CCDC85A: variants seen among roughly 807,000 people sequenced by gnomAD.
CCDC85A encodes the protein coiled-coil domain-containing protein 85A.
In CCDC85A, 38 loss-of-function variants were observed where a neutral mutation model predicts 50.2. That is an observed-to-expected ratio of 0.76 (90% CI 0.58 to 0.99). CCDC85A has a LOEUF of 0.99. Ranked by LOEUF, CCDC85A falls within the 50% of genes least tolerant of loss-of-function variation. The pLI, the probability that CCDC85A is intolerant of heterozygous loss-of-function variation, is 0.00. For missense variants in CCDC85A, 820 were observed against 742.0 expected (o/e 1.11, Z -1.22); for synonymous variants, 366 against 301.4 (o/e 1.21, Z -2.22).
intron 2 of CCDC85A, among the ~76,000 whole-genome samples, chr2:56,215,936 T>G (rs1307385543): frequency 6.6e-6 from 1 of 151,912 alleles, no homozygotes; most frequent in Non-Finnish European, 1.5e-5. Flanking sequence ...CATTTAAACT[T>G]CATTGTCCAT....
At chr2:56,206,631 C>A (rs1676971852) in intron 2 of CCDC85A, among the ~76,000 whole-genome samples, 2 of 152,144 alleles carry the variant, frequency 1.3e-5, no homozygotes, top group African/African-American at 4.8e-5. Flanking sequence ...TTAATCCATT[C>A]ATGAAGGCAG....
chr2:56,379,571 C>T (rs1676489147), intron 5 of CCDC85A, among the ~76,000 whole-genome samples: 1 of 152,090 alleles, frequency 6.6e-6, no homozygotes, highest in Non-Finnish European at 1.5e-5. Flanking sequence ...TAGAATCATT[C>T]CAAATAGATT....
At chr2:56,363,299 T>G (rs1232016602) in intron 3 of CCDC85A, among the ~76,000 whole-genome samples, 1 of 152,194 alleles carries the variant, frequency 6.6e-6, no homozygotes, top group African/African-American at 2.4e-5. Flanking sequence ...CTACCAATTA[T>G]GCAAAGGCTA....
intron 2 of CCDC85A, among the ~76,000 whole-genome samples, chr2:56,243,855 C>T (rs1405476776): frequency 6.6e-6 from 1 of 152,200 alleles, no homozygotes; most frequent in Non-Finnish European, 1.5e-5. Context: ...TTAGGGGACA[C>T]CCCAAGCCCA....
chr2:56,224,571 C>T (rs916714225), intron 2 of CCDC85A, among the ~76,000 whole-genome samples: 9 of 152,206 alleles, frequency 5.9e-5, no homozygotes, highest in Non-Finnish European at 1.2e-4. Flanking sequence ...ACATTCCCAT[C>T]AGCAGTGTAT....
intron 3 of CCDC85A, among the ~76,000 whole-genome samples, chr2:56,351,150 A>G (rs1674912159): frequency 2.0e-5 from 3 of 149,580 alleles, no homozygotes; most frequent in Non-Finnish European, 3.0e-5. Flanking sequence ...ATGATTTCCA[A>G]TTTCATCCAT....
At chr2:56,265,707 A>G (rs1392749350) in intron 2 of CCDC85A, among the ~76,000 whole-genome samples, 1 of 152,232 alleles carries the variant, frequency 6.6e-6, no homozygotes, top group Non-Finnish European at 1.5e-5. Flanking sequence ...ATTGTAAATT[A>G]GTACAGACAT....
intron 2 of CCDC85A, among the ~76,000 whole-genome samples, chr2:56,271,453 C>G (rs1670693303): frequency 6.6e-6 from 1 of 152,104 alleles, no homozygotes; most frequent in Admixed American, 6.5e-5. Context: ...TGAGCCAGAG[C>G]TGCTCCCTGT....
At chr2:56,365,782 A>G (rs924905289) in intron 3 of CCDC85A, among the ~76,000 whole-genome samples, 1 of 152,168 alleles carries the variant, frequency 6.6e-6, no homozygotes, top group Non-Finnish European at 1.5e-5. Context: ...CTTTACATCC[A>G]CTTTCTTAGT....
At position 56,192,781 on chromosome 2, in the gene CCDC85A, G is replaced by A. The variant is rs747966842; in HGVS notation, c.581G>A (p.Cys194Tyr). 1 of 1,613,194 alleles carries A rather than the reference G, an allele frequency of 6.2e-7. No homozygotes were observed. Among genetic ancestry groups the A allele is most frequent in the East Asian group, 2.2e-5 (1 of 44,856 alleles). ...RCSIDSQASL[C>Y]QLTASTAPYV... Reference sequence around the variant, plus strand: ...TCCATCGACAGCCAGGCCAGCCTGTGCCAACTCACAGCCTCCACCGCACCC... The same window carrying A: ...TCCATCGACAGCCAGGCCAGCCTGTACCAACTCACAGCCTCCACCGCACCC... Residue 194 changes from cysteine (C) to tyrosine (Y), a missense_variant, in exon 2 of 6, where the codon TGC becomes TAC. Cys to Tyr is a radical substitution (Grantham distance 194, BLOSUM62 -2). Coordinates refer to ENST00000407595, the MANE Select transcript of CCDC85A (RefSeq NM_001080433.2). The surrounding 1 kb of genome is among the most constrained non-coding windows in gnomAD (Gnocchi z 4.7).
At chr2:56,380,116 C>G (rs1226223904) in intron 5 of CCDC85A, among the ~76,000 whole-genome samples, 2 of 152,072 alleles carry the variant, frequency 1.3e-5, no homozygotes, top group Non-Finnish European at 2.9e-5. Context: ...AATTTACTGT[C>G]TAAAATATGT....
chr2:56,377,436 C>G (rs749984677), intron 5 of CCDC85A, among the ~76,000 whole-genome samples: 6 of 152,166 alleles, frequency 3.9e-5, no homozygotes, highest in African/African-American at 7.2e-5. Context: ...ACTTGTCCTC[C>G]TATTCAAACT....
Position 56,192,727 on chromosome 2 carries a change from A to G in CCDC85A, c.527A>G (p.Lys176Arg), listed in dbSNP as rs1311422263. Reference protein sequence around the residue: ...KELCVLLDEEKGAGCAGSRCS... With the variant: ...KELCVLLDEERGAGCAGSRCS... ...CTCTGTGTGCTACTAGATGAGGAGA[A>G]GGGTGCAGGCTGCGCAGGCAGCCGC... The change falls in exon 2 of 6, where the codon AAG (lysine) becomes AGG (arginine). Residue 176 changes from lysine (K) to arginine (R), a missense_variant. Transcript: ENST00000407595. This position sits in a 1 kb window ranked among gnomAD's most constrained non-coding sequence, Gnocchi z 4.7. The G allele has an allele frequency of 6.2e-7, 1 of 1,613,636 alleles. No homozygotes were observed. Among genetic ancestry groups the G allele is most frequent in the South Asian group, 1.1e-5 (1 of 91,052 alleles).
intron 2 of CCDC85A, among the ~76,000 whole-genome samples, chr2:56,250,265 C>T (rs1396085079): frequency 2.0e-5 from 3 of 152,182 alleles, no homozygotes; most frequent in Non-Finnish European, 4.4e-5. Flanking sequence ...CTTTTCCAAG[C>T]ATGAGCAATA....
In CCDC85A at chr2:56,385,836, A is replaced by G. The variant is rs1169697153; in HGVS notation, c.*1481A>G. On this transcript the variant is annotated 3_prime_UTR_variant, in exon 6 of 6. Coordinates refer to ENST00000407595, the MANE Select transcript of CCDC85A (RefSeq NM_001080433.2). ...CTATAGAATTATCTCTCTAATTATC[A>G]TAATTGGGTTACAATTTAAGCTCCC... 6.6e-6 allele frequency: 1 copy of G among 151,740 alleles called. No individual in the cohort carries two copies. The highest frequency in any genetic ancestry group is 1.5e-5 in the Non-Finnish European group (1 of 67,756). 9.4% of individuals were successfully genotyped at this position (151,740 alleles called of 1,614,324 possible). A position where few individuals can be genotyped will look rare whatever the true frequency, so the allele number is the denominator to read the frequency against.
rs148882835 is a variant in CCDC85A, at chr2:56,334,241, C to G, written c.1241-8638C>G. Among the ~76,000 whole-genome samples, 735 of 152,310 alleles carry G rather than the reference C, an allele frequency of 4.8e-3. 4 individuals are homozygous for G. The highest frequency in any genetic ancestry group is 0.024 in the Middle Eastern group (7 of 292). On this transcript the variant is annotated intron_variant, in intron 2 of 5. Transcript: ENST00000407595. ...ATGTGGGCTCCATAAACACCCAGAT[C>G]TTATCATTCCTGGCTGCTACTGTAT...
intron 5 of CCDC85A, among the ~76,000 whole-genome samples, chr2:56,376,601 T>G (rs1430053621): frequency 6.6e-6 from 1 of 152,092 alleles, no homozygotes; most frequent in Non-Finnish European, 1.5e-5. Context: ...TAAGTAAAAC[T>G]AATGAAAAAT....
intron 3 of CCDC85A, among the ~76,000 whole-genome samples, chr2:56,358,823 T>C (rs1279593726): frequency 6.6e-6 from 1 of 151,954 alleles, no homozygotes; most frequent in Non-Finnish European, 1.5e-5. Context: ...TCACTCTTGT[T>C]ACCCAGGTTG....
intron 2 of CCDC85A, among the ~76,000 whole-genome samples, chr2:56,245,691 C>G (rs1052367014): frequency 6.6e-6 from 1 of 152,122 alleles, no homozygotes; most frequent in Non-Finnish European, 1.5e-5. Context: ...TATGCCCTTC[C>G]CAAAATTCAA....
Sources: gnomAD v4.1 joint callset for allele counts (sites outside exome capture counted in the v4.1 genomes callset) on GRCh38, gnomAD v4.1.1 for gene constraint, Gnocchi (gnomAD v3.1) non-coding constraint, MANE v1.5 for transcripts, NCBI Gene and HGNC (gene_info 2026-07-23, HGNC 2026-07-21) for gene names.